The following INPP4B variants were observed in gnomAD, a reference collection of about 807,000 sequenced individuals.
The protein encoded by INPP4B is inositol polyphosphate-4-phosphatase type II B.
In INPP4B, 55 loss-of-function variants were observed where a neutral mutation model predicts 122.5. The ratio of observed to expected loss-of-function variants is 0.45; its 90% CI spans 0.36 to 0.56. The LOEUF is 0.56. Ranked by LOEUF, INPP4B falls within the 20% of genes least tolerant of loss-of-function variation. INPP4B has a pLI of 0.00. For missense variants in INPP4B, 1,000 were observed against 1,097.7 expected (o/e 0.91, Z 1.26); for synonymous variants, 403 against 388.7 (o/e 1.04, Z -0.43).
intron 7 of INPP4B, among the ~76,000 whole-genome samples, chr4:142,354,984 G>A (rs929265786): frequency 1.3e-5 from 2 of 151,910 alleles, no homozygotes; most frequent in East Asian, 1.9e-4. Flanking sequence ...CTCGTGGCTC[G>A]AGTGGGGCTT....
At chr4:142,776,835 C>T (rs759638939) in intron 1 of INPP4B, among the ~76,000 whole-genome samples, 22 of 152,120 alleles carry the variant, frequency 1.4e-4, no homozygotes, top group Non-Finnish European at 2.6e-4. Context: ...TAGAGTCACA[C>T]AAACCTGAGA....
chr4:142,340,160 G>T (rs896467361), intron 7 of INPP4B, among the ~76,000 whole-genome samples: 1 of 152,076 alleles, frequency 6.6e-6, no homozygotes, highest in African/African-American at 2.4e-5. Context: ...AATACATAAG[G>T]TGTCTCTTGG....
chr4:142,498,905 T>A (rs1354253655), intron 2 of INPP4B, among the ~76,000 whole-genome samples: 1 of 152,218 alleles, frequency 6.6e-6, no homozygotes, highest in Non-Finnish European at 1.5e-5. Flanking sequence ...TAGAAGATAC[T>A]CTTTACAATG....
intron 2 of INPP4B, among the ~76,000 whole-genome samples, chr4:142,625,455 A>G (rs1746123842): frequency 1.3e-5 from 2 of 152,196 alleles, no homozygotes; most frequent in South Asian, 2.1e-4. Context: ...AAGGAGAACT[A>G]CAAACCACTG....
intron 15 of INPP4B, among the ~76,000 whole-genome samples, chr4:142,186,700 A>C (rs1264230627): frequency 6.6e-6 from 1 of 152,230 alleles, no homozygotes; most frequent in East Asian, 1.9e-4. Context: ...TGGGCCATAA[A>C]CAAATTTTGT....
At chr4:142,707,726 CA>C (rs1762627927) in intron 2 of INPP4B, among the ~76,000 whole-genome samples, 1 of 152,202 alleles carries the variant, frequency 6.6e-6, no homozygotes, top group Middle Eastern at 3.2e-3. Flanking sequence ...ATAAATTACC[CA>C]GTCTCAAGTA....
chr4:142,505,599 T>C (rs772320960), intron 2 of INPP4B, among the ~76,000 whole-genome samples: 1 of 152,190 alleles, frequency 6.6e-6, no homozygotes, highest in Admixed American at 6.5e-5. Context: ...GCCTGCCACA[T>C]AGTAAGAGCT....
At chr4:142,755,996 T>C (rs1444572398) in intron 1 of INPP4B, among the ~76,000 whole-genome samples, 1 of 152,002 alleles carries the variant, frequency 6.6e-6, no homozygotes, top group Non-Finnish European at 1.5e-5. Context: ...CCAATGGCCT[T>C]ATCTCTAGAT....
Position 142,045,751 on chromosome 4 carries a change from C to G in INPP4B, c.2643-16837G>C, listed in dbSNP as rs538520393. On this transcript the variant is annotated intron_variant, in intron 25 of 25. Coordinates refer to ENST00000262992, the MANE Select transcript of INPP4B (RefSeq NM_001101669.3). Reference sequence around the variant, plus strand: ...AAACTCATACAGAATTTCTAATTTACTTTTTTAGTCAAGAGATATTAATTA... The same window carrying G: ...AAACTCATACAGAATTTCTAATTTAGTTTTTTAGTCAAGAGATATTAATTA... Among the ~76,000 whole-genome samples, 13 of 152,144 alleles carry G rather than the reference C, an allele frequency of 8.5e-5. No homozygotes were observed. The East Asian group carries it at 2.3e-3, about 27-fold the overall frequency.
At chr4:142,041,397 C>T (rs1186964192) in intron 25 of INPP4B, among the ~76,000 whole-genome samples, 1 of 152,096 alleles carries the variant, frequency 6.6e-6, no homozygotes, top group African/African-American at 2.4e-5. Context: ...GTGGGCAGAT[C>T]ACCTGAGGTC....
chr4:142,457,807 G>A (rs552106613), intron 3 of INPP4B, among the ~76,000 whole-genome samples: 1 of 152,242 alleles, frequency 6.6e-6, no homozygotes, highest in East Asian at 1.9e-4. Context: ...TGTTGCCCAG[G>A]CTGGTCTCAA....
intron 1 of INPP4B, among the ~76,000 whole-genome samples, chr4:142,838,094 C>A (rs1482074694): frequency 6.6e-6 from 1 of 150,728 alleles, no homozygotes; most frequent in East Asian, 1.9e-4. Flanking sequence ...CAGTAGCTGG[C>A]AAATAGTAAG....
intron 25 of INPP4B, among the ~76,000 whole-genome samples, chr4:142,078,015 T>A (rs532306563): frequency 6.6e-6 from 1 of 151,978 alleles, no homozygotes; most frequent in East Asian, 1.9e-4. Context: ...ATCACTGTTT[T>A]GGTCTTAATG....
chr4:142,026,968 G>GA lies in INPP4B; in HGVS notation c.*1813_*1814insT, dbSNP rs1737197609. ...ATTCAAGGAGGCCTCTGTCATCCCA[G>GA]CCTATCTTAAATCTAATAGGGTAAT... On this transcript the variant is annotated 3_prime_UTR_variant, in exon 26 of 26. Transcript: ENST00000262992. 4.4e-5 allele frequency: 1 copy of GA among 22,904 alleles called. No individual in the cohort carries two copies. The highest frequency in any genetic ancestry group is 4.2e-4 in the Admixed American group (1 of 2,388). The allele number at this position is 22,904 out of a possible 1,614,324, so 1.4% of individuals were successfully genotyped here.
chr4:142,094,111 G>A (rs1440642044), intron 23 of INPP4B, among the ~76,000 whole-genome samples: 1 of 152,020 alleles, frequency 6.6e-6, no homozygotes, highest in East Asian at 1.9e-4. Flanking sequence ...TTAAAGTCAT[G>A]TCAAAAAATC....
At chr4:142,327,869 T>C (rs1335618634) in intron 7 of INPP4B, among the ~76,000 whole-genome samples, 4 of 152,098 alleles carry the variant, frequency 2.6e-5, no homozygotes, top group Non-Finnish European at 5.9e-5. Flanking sequence ...GGCTAGTAAG[T>C]GGAGGAGGGA....
intron 8 of INPP4B, among the ~76,000 whole-genome samples, chr4:142,308,154 A>C (rs1764153043): frequency 6.6e-6 from 1 of 152,220 alleles, no homozygotes. Flanking sequence ...CTGTGAGTGC[A>C]TACAGTGTGC....
At chr4:142,329,795 C>T (rs983697036) in intron 7 of INPP4B, among the ~76,000 whole-genome samples, 1 of 152,054 alleles carries the variant, frequency 6.6e-6, no homozygotes, top group Non-Finnish European at 1.5e-5. Flanking sequence ...GTTAATAATG[C>T]TCAACTAGTC....
At chr4:142,627,800 T>C (rs568946751) in intron 2 of INPP4B, among the ~76,000 whole-genome samples, 1 of 152,296 alleles carries the variant, frequency 6.6e-6, no homozygotes, top group South Asian at 2.1e-4. Flanking sequence ...TCTTTTTCTA[T>C]TGATTGGAAT....
Sources: gnomAD v4.1 joint callset for allele counts (sites outside exome capture counted in the v4.1 genomes callset) on GRCh38, gnomAD v4.1.1 for gene constraint, MANE v1.5 for transcripts, NCBI Gene and HGNC (gene_info 2026-07-23, HGNC 2026-07-21) for gene names.